Variants in IL4I1 observed in about 807,000 individuals in gnomAD.
The protein encoded by IL4I1 is interleukin 4 induced 1.
IL4I1 carries 24 observed loss-of-function variants against 29.7 expected under a neutral mutation model. That is an observed-to-expected ratio of 0.81 (90% CI 0.59 to 1.14). The LOEUF (loss-of-function observed/expected upper bound fraction) is 1.14, where lower values mean the gene tolerates loss of function less well. Among genes scored for constraint, IL4I1 ranks in the 50% most tolerant of loss-of-function variants. The pLI, the probability that IL4I1 is intolerant of heterozygous loss-of-function variation, is 0.00. For synonymous variants in IL4I1, 371 were observed against 352.5 expected, an observed-to-expected ratio of 1.05 and a Z score of -0.59; for missense variants, 686 against 785.6, an observed-to-expected ratio of 0.87 and a Z score of 1.52.
intron 2 of IL4I1, among the ~76,000 whole-genome samples, chr19:49,925,705 C>T (rs1443569667): frequency 3.3e-5 from 5 of 152,096 alleles, no homozygotes; most frequent in African/African-American, 9.7e-5. Context: ...GTAACAACTA[C>T]CAAAATCAGC....
At chr19:49,896,922 G>A, upstream of IL4I1, 1 of 980,936 alleles carries the variant, frequency 1.0e-6, no homozygotes. Context: ...CCCTTAAACT[G>A]GCAGAGCCCC....
chr19:49,905,812 A>G (rs948834730), intron 2 of IL4I1, among the ~76,000 whole-genome samples: 4 of 152,182 alleles, frequency 2.6e-5, no homozygotes, highest in Non-Finnish European at 4.4e-5. Flanking sequence ...CATGTTGGCC[A>G]TGCTGGTCTC....
At chr19:49,908,123 T>C (rs1160611393) in intron 2 of IL4I1, 27 of 1,518,424 alleles carry the variant, frequency 1.8e-5, no homozygotes, top group Non-Finnish European at 2.0e-5. Flanking sequence ...AGGGCAGTCA[T>C]GTGAAAGAAA....
At chr19:49,895,334 G>A (rs2075193044) in intron 3 of IL4I1, among the ~76,000 whole-genome samples, 154 bp from the exon 4 acceptor site, 1 of 152,164 alleles carries the variant, frequency 6.6e-6, no homozygotes, top group South Asian at 2.1e-4. Flanking sequence ...TGGAGGTGGG[G>A]GAACAGAACT....
chr19:49,890,650 C>T, intron 7 of IL4I1, 50 bp from the exon 8 acceptor site: 1 of 1,423,810 alleles, frequency 7.0e-7, no homozygotes, highest in Non-Finnish European at 9.2e-7. Flanking sequence ...CTCTGCGGCC[C>T]TGCCCCTCTG....
At chr19:49,913,798 C>T (rs905664040) in intron 2 of IL4I1, among the ~76,000 whole-genome samples, 35 of 152,200 alleles carry the variant, frequency 2.3e-4, no homozygotes, top group East Asian at 9.7e-4. Flanking sequence ...CTGTGGGCCA[C>T]GTGACAGGCG....
intron 2 of IL4I1, among the ~76,000 whole-genome samples, chr19:49,912,420 C>T (rs533229288): frequency 8.0e-4 from 122 of 152,206 alleles, no homozygotes; most frequent in African/African-American, 2.3e-3. Flanking sequence ...CCGCTTGCCT[C>T]GGCCTCCCAA....
intron 2 of IL4I1, chr19:49,912,882 G>A (rs4802637): frequency 0.077 from 11,737 of 152,242 alleles, 1,001 homozygotes; most frequent in East Asian, 0.19. Flanking sequence ...AAAGAAAGGA[G>A]ACCTACCATT....
chr19:49,910,078 C>T (rs971549803), intron 2 of IL4I1, among the ~76,000 whole-genome samples: 12 of 151,996 alleles, frequency 7.9e-5, no homozygotes, highest in African/African-American at 7.3e-5. Context: ...TACGAGGAGC[C>T]GGGGTGCTAG....
chr19:49,890,564 C>A lies in IL4I1; in HGVS notation c.810G>T (p.Pro270=). Residue 270 remains proline, a synonymous_variant, in exon 8 of 8, where the codon CCG becomes CCT. Transcript: ENST00000391826. ...CGGACAGCGAGCTCAGCAGCGCGCG[C>A]GGCAGCAGGTCCCAGCCACCCACGA... ...SRIVGGWDLL[P]RALLSSLSGL... is the part of the protein sequence containing the mutation. 6.3e-7 allele frequency: 1 copy of A among 1,590,816 alleles called. No individual in the cohort carries two copies. Among genetic ancestry groups the A allele is most frequent in the Non-Finnish European group, 8.5e-7 (1 of 1,171,666 alleles).
intron 2 of IL4I1, among the ~76,000 whole-genome samples, chr19:49,920,173 C>T (rs2122717045): frequency 6.6e-6 from 1 of 152,302 alleles, no homozygotes; most frequent in Non-Finnish European, 1.5e-5. Context: ...ACCTCTGCCT[C>T]CCGGGTTCAA....
chr19:49,901,653 T>C, upstream of IL4I1: 1 of 1,529,948 alleles, frequency 6.5e-7, no homozygotes, highest in Non-Finnish European at 8.8e-7. Flanking sequence ...TGGCTGCCTC[T>C]GGGGGGCTCT....
intron 2 of IL4I1, among the ~76,000 whole-genome samples, chr19:49,912,684 C>T (rs4802636): frequency 0.034 from 5,172 of 152,056 alleles, 268 homozygotes; most frequent in South Asian, 0.14. Context: ...GCCAACATAG[C>T]GAGATGCTGT....
chr19:49,895,923 C>T lies in IL4I1; in HGVS notation c.144G>A (p.Val48=). 1.2e-6 allele frequency: 2 copies of T among 1,614,242 alleles called. No individual in the cohort carries two copies. Among genetic ancestry groups the T allele is most frequent in the Non-Finnish European group, 1.7e-6 (2 of 1,180,044 alleles). ...GGGTCCGATTGAGCCCCCAGGTCAC[C>T]ACCTTGAGCAGCTGCTCATAGTCAG... The part of the protein sequence containing the change: ...QDPDYEQLLK[V]VTWGLNRTLK... Residue 48 remains valine (V), a synonymous_variant, in exon 3 of 8, where the codon GTG becomes GTA. Coordinates refer to ENST00000391826, the MANE Select transcript of IL4I1 (RefSeq NM_152899.2).
chr19:49,900,634 A>T (rs1432148089), upstream of IL4I1, among the ~76,000 whole-genome samples: 1 of 152,026 alleles, frequency 6.6e-6, no homozygotes, highest in African/African-American at 2.4e-5. Context: ...GTTCAGGTTA[A>T]ATTAGGTTTA....
At chr19:49,909,289 A>G (rs775132279) in intron 2 of IL4I1, 20 of 1,614,054 alleles carry the variant, frequency 1.2e-5, no homozygotes, top group Middle Eastern at 1.6e-4. Context: ...CTGCTGAGCC[A>G]ATGTTGAAAC....
At chr19:49,916,683 C>G (rs916368145) in intron 2 of IL4I1, among the ~76,000 whole-genome samples, 1 of 151,616 alleles carries the variant, frequency 6.6e-6, no homozygotes, top group Admixed American at 6.6e-5. Flanking sequence ...AGAATGGCAT[C>G]AACCCGGGAG....
chr19:49,908,826 T>C (rs1430314928), intron 2 of IL4I1: 3 of 1,613,004 alleles, frequency 1.9e-6, no homozygotes, highest in East Asian at 2.2e-5. Flanking sequence ...GCGTAGGTCA[T>C]GGCGGAGCTG....
intron 2 of IL4I1, among the ~76,000 whole-genome samples, chr19:49,910,225 C>G (rs1418871541): frequency 2.0e-5 from 3 of 152,212 alleles, no homozygotes; most frequent in African/African-American, 7.2e-5. Context: ...CTAGGACACA[C>G]AAGAACAGCT....
Sources: gnomAD v4.1 joint callset for allele counts (sites outside exome capture counted in the v4.1 genomes callset) on GRCh38, gnomAD v4.1.1 for gene constraint, MANE v1.5 for transcripts, NCBI Gene and HGNC (gene_info 2026-07-23, HGNC 2026-07-21) for gene names.